Variants in ANK1 observed in about 807,000 individuals in gnomAD.
ANK1 encodes the protein ankyrin 1.
A neutral mutation model predicts 210.4 loss-of-function variants in ANK1; 51 were observed. That is an observed-to-expected ratio of 0.24 (90% CI 0.19 to 0.31). ANK1 has a LOEUF of 0.31. Ranked by LOEUF, ANK1 falls within the 10% of genes least tolerant of loss-of-function variation. The probability of loss-of-function intolerance (pLI) is 1.00; values close to 1 mark genes in which losing one functional copy is unlikely to be tolerated. For missense variants in ANK1, 2,051 were observed against 2,504.4 expected (o/e 0.82, Z 3.86); for synonymous variants, 967 against 1,025.9 (o/e 0.94, Z 1.10).
chr8:41,718,672 TG>T (rs755020817), intron 10 of ANK1, among the ~76,000 whole-genome samples: 1 of 152,234 alleles, frequency 6.6e-6, no homozygotes, highest in African/African-American at 2.4e-5. Context: ...TGTTTTTGTC[TG>T]TTTTTTTCAG....
chr8:41,666,636 A>G (rs944316720), intron 39 of ANK1, among the ~76,000 whole-genome samples: 9 of 152,244 alleles, frequency 5.9e-5, no homozygotes, highest in African/African-American at 2.2e-4. Context: ...TCAGAGGTCC[A>G]GTGGAAATAC....
chr8:41,808,265 C>A (rs1347665146), intron 1 of ANK1, among the ~76,000 whole-genome samples: 1 of 152,190 alleles, frequency 6.6e-6, no homozygotes, highest in Non-Finnish European at 1.5e-5. Flanking sequence ...AATTCCAGAG[C>A]AACTTTTCCT....
At chr8:41,750,231 T>G (rs1050297303) in intron 2 of ANK1, among the ~76,000 whole-genome samples, 1 of 152,216 alleles carries the variant, frequency 6.6e-6, no homozygotes, top group South Asian at 2.1e-4. Context: ...CATTAGGGCT[T>G]CCTAATGCAC....
Position 41,718,090 on chromosome 8 carries a change from C to T in ANK1, c.1206+16G>A, listed in dbSNP as rs574992987. The T allele has an allele frequency of 1.2e-6, 2 of 1,612,906 alleles. No individual in the cohort carries two copies. Among genetic ancestry groups the T allele is most frequent in the Admixed American group, 3.3e-5 (2 of 59,992 alleles). On this transcript the variant is annotated intron_variant, in intron 11 of 42. Coordinates refer to ENST00000289734, the MANE Select transcript of ANK1 (RefSeq NM_000037.4). ...ACCACAGGCCTGCCCCCAGGCTCCT[C>T]TGCAGTCTCTCCTACCTCGGTGACC...
At chr8:41,692,998 C>T (rs1819707761) in intron 30 of ANK1, 107 bp downstream of exon 30, 2 of 1,512,076 alleles carry the variant, frequency 1.3e-6, no homozygotes, top group Non-Finnish European at 1.8e-6. Flanking sequence ...GTCACGGAGG[C>T]TTCCACATGG....
At chr8:41,757,255 G>A (rs749694130) in intron 2 of ANK1, among the ~76,000 whole-genome samples, 11 of 152,168 alleles carry the variant, frequency 7.2e-5, no homozygotes, top group East Asian at 1.9e-4. Context: ...TTAAAAAGTC[G>A]CAATGGATAA....
intron 1 of ANK1, among the ~76,000 whole-genome samples, chr8:41,878,789 G>A (rs574898213): frequency 5.9e-5 from 9 of 152,270 alleles, no homozygotes; most frequent in African/African-American, 1.2e-4. Flanking sequence ...GGGGCCAGGC[G>A]TGGTGGTTCA....
intron 1 of ANK1, among the ~76,000 whole-genome samples, chr8:41,863,706 T>C (rs1342774961): frequency 6.6e-6 from 1 of 152,234 alleles, no homozygotes; most frequent in Non-Finnish European, 1.5e-5. Context: ...GAATCCCATT[T>C]TGCAGAGGGA....
intron 16 of ANK1, among the ~76,000 whole-genome samples, chr8:41,709,475 C>A (rs1161377272): frequency 1.3e-5 from 2 of 152,276 alleles, no homozygotes; most frequent in Admixed American, 1.3e-4. Context: ...CCTCACTCCA[C>A]TGTTAACTAC....
chr8:41,740,047 T>C (rs1834376214), intron 2 of ANK1, among the ~76,000 whole-genome samples: 1 of 152,144 alleles, frequency 6.6e-6, no homozygotes, highest in Admixed American at 6.5e-5. Context: ...TTAGCAATCC[T>C]TCCCCCTTCT....
chr8:41,891,662 G>A (rs1418438275), intron 1 of ANK1, among the ~76,000 whole-genome samples: 1 of 152,208 alleles, frequency 6.6e-6, no homozygotes, highest in Non-Finnish European at 1.5e-5. Context: ...AGGGAGGGAG[G>A]AGCTGAACTG....
At chr8:41,766,807 A>T (rs2150727515) in intron 1 of ANK1, among the ~76,000 whole-genome samples, 1 of 152,334 alleles carries the variant, frequency 6.6e-6, no homozygotes, top group East Asian at 1.9e-4. Flanking sequence ...GGCGCCCAAC[A>T]GGTCTGCCTT....
In ANK1 at chr8:41,661,414, A is replaced by C. The variant is rs779395309; in HGVS notation, c.*36+16T>G. 6.8e-6 allele frequency: 11 copies of C among 1,613,472 alleles called. No individual in the cohort carries two copies. The Admixed American group carries it at 8.3e-5, about 12-fold the overall frequency. On this transcript the variant is annotated intron_variant, in intron 42 of 42. Transcript: ENST00000289734. ...AAGACCAGGCCATGCAGAGGGGATGAGAAGGGCAGCGTTACCTCCCGAGAG... is the reference window on the plus strand; with the variant it reads ...AAGACCAGGCCATGCAGAGGGGATGCGAAGGGCAGCGTTACCTCCCGAGAG...
chr8:41,709,100 C>T, intron 16 of ANK1, 125 bp from the exon 17 acceptor site: 1 of 1,041,432 alleles, frequency 9.6e-7, no homozygotes, highest in Non-Finnish European at 1.4e-6. Context: ...GCTGGCATCA[C>T]CCAGGAGCAA....
intron 22 of ANK1, 32 bp from the exon 23 acceptor site, chr8:41,699,580 G>C (rs756877205): frequency 6.3e-7 from 1 of 1,597,966 alleles, no homozygotes; most frequent in Non-Finnish European, 8.6e-7. Flanking sequence ...TGAGCGACGG[G>C]GTAGAGGAAG....
chr8:41,700,551 C>T (rs1822480212), intron 22 of ANK1: 4 of 1,291,620 alleles, frequency 3.1e-6, no homozygotes, highest in Non-Finnish European at 4.5e-6. Context: ...AGAAGCTCTG[C>T]TTCTCTAGTT....
intron 40 of ANK1, among the ~76,000 whole-genome samples, chr8:41,662,980 A>T (rs192401509): frequency 6.6e-6 from 1 of 151,930 alleles, no homozygotes; most frequent in African/African-American, 2.4e-5. Flanking sequence ...CAGTGGCTCA[A>T]TCATAGCTTA....
chr8:41,839,591 C>T (rs1177469069), intron 1 of ANK1, among the ~76,000 whole-genome samples: 2 of 152,246 alleles, frequency 1.3e-5, no homozygotes, highest in African/African-American at 2.4e-5. Context: ...TTTGCAGAAA[C>T]ATTGCCCAGG....
intron 1 of ANK1, among the ~76,000 whole-genome samples, chr8:41,812,806 G>C (rs1802694730): frequency 6.6e-6 from 1 of 152,158 alleles, no homozygotes; most frequent in Admixed American, 6.5e-5. Flanking sequence ...GCGCAACCTA[G>C]ATCCCTCTCA....
Sources: gnomAD v4.1 joint callset for allele counts (sites outside exome capture counted in the v4.1 genomes callset) on GRCh38, gnomAD v4.1.1 for gene constraint, MANE v1.5 for transcripts, NCBI Gene and HGNC (gene_info 2026-07-23, HGNC 2026-07-21) for gene names.